Variants in ATP10B observed in about 807,000 individuals in gnomAD.
The protein encoded by ATP10B is ATPase phospholipid transporting 10B (putative).
A neutral mutation model predicts 141.2 loss-of-function variants in ATP10B; 122 were observed. That is an observed-to-expected ratio of 0.86 (90% CI 0.75 to 1.00). The LOEUF is 1.00. Among genes scored for constraint, ATP10B ranks in the 50% least tolerant of loss-of-function variants. The pLI is 0.00. For missense variants in ATP10B, 1,876 were observed against 1,825.3 expected (o/e 1.03, Z -0.51); for synonymous variants, 685 against 692.0 (o/e 0.99, Z 0.16).
chr5:160,606,974 G>C lies in ATP10B; in HGVS notation c.2951C>G (p.Ser984Cys). Residue 984 changes from serine to cysteine, a missense_variant, in exon 19 of 26, where the codon TCC (serine) becomes TGC (cysteine). By Grantham distance (112) the Ser-to-Cys change is moderately radical (BLOSUM62 -1). Transcript: ENST00000327245. ...FGFRLPSKTP[S>C]ITSEAVVPEA... ...TGGAACCACAGCTTCTGAGGTGATG[G>C]ATGGTGTCTTGGAAGGTAAGCGGAA... The C allele has an allele frequency of 6.2e-7, 1 of 1,614,168 alleles. No homozygotes were observed.
chr5:160,788,356 C>T (rs891923244), intron 1 of ATP10B, among the ~76,000 whole-genome samples: 1 of 152,174 alleles, frequency 6.6e-6, no homozygotes, highest in African/African-American at 2.4e-5. Context: ...AAAAAGGCAA[C>T]AGCGGATTTT....
chr5:160,812,187 G>A (rs1457303962), intron 1 of ATP10B, among the ~76,000 whole-genome samples: 2 of 152,188 alleles, frequency 1.3e-5, no homozygotes. Context: ...CTACAAGTCT[G>A]TAAGAACCAC....
chr5:160,730,297 G>T (rs1251004654), intron 2 of ATP10B, among the ~76,000 whole-genome samples: 1 of 152,070 alleles, frequency 6.6e-6, no homozygotes, highest in Non-Finnish European at 1.5e-5. Flanking sequence ...TCAAGTCTGT[G>T]TTCTCAACTT....
chr5:160,750,883 C>T (rs1037511082), intron 2 of ATP10B, among the ~76,000 whole-genome samples: 3 of 152,208 alleles, frequency 2.0e-5, no homozygotes, highest in African/African-American at 7.2e-5. Context: ...CTGCATGGTT[C>T]ACTCTCTCAA....
At chr5:160,599,160 A>G (rs1449036138) in intron 21 of ATP10B, among the ~76,000 whole-genome samples, 190 bp from the exon 22 acceptor site, 1 of 152,230 alleles carries the variant, frequency 6.6e-6, no homozygotes, top group Admixed American at 6.5e-5. Context: ...TACTATTGCT[A>G]CTAACATTCT....
At position 160,780,447 on chromosome 5, in the gene ATP10B, T is replaced by A. The variant is rs557472541; in HGVS notation, c.-331+5112A>T. Among the ~76,000 whole-genome samples, 6 of 152,300 alleles carry A rather than the reference T, an allele frequency of 3.9e-5. No homozygotes were observed. The Middle Eastern group carries it at 0.01, about 259-fold the overall frequency. ...ATGCAGGCAGTTGAGATTAACCACA[T>A]ACAAAACTCTAAGGTAGTATGTTCA... On this transcript the variant is annotated intron_variant, in intron 2 of 25. Coordinates refer to ENST00000327245, the MANE Select transcript of ATP10B (RefSeq NM_025153.3).
chr5:160,818,662 G>A (rs574157674), intron 1 of ATP10B, among the ~76,000 whole-genome samples: 4 of 152,278 alleles, frequency 2.6e-5, no homozygotes, highest in Admixed American at 2.0e-4. Context: ...TATACCCAAA[G>A]GATTATAAAT....
At chr5:160,747,774 C>T (rs1254077576) in intron 2 of ATP10B, among the ~76,000 whole-genome samples, 1 of 152,094 alleles carries the variant, frequency 6.6e-6, no homozygotes. Context: ...GTTACAGAGG[C>T]CCTAGGAAGC....
chr5:160,653,802 T>G (rs1761212580), intron 7 of ATP10B, among the ~76,000 whole-genome samples: 1 of 121,740 alleles, frequency 8.2e-6, no homozygotes, highest in Non-Finnish European at 1.6e-5. Context: ...TATAGACGTA[T>G]ATACATATAT....
Position 160,686,173 on chromosome 5 carries a change from G to T in ATP10B, c.376C>A (p.Leu126Met). ...CCATCCTTGATCATGATGACGAACA[G>T]GACAATGGCCAATGGTAACATGGTG... ...EITMLPLAIV[L>M]FVIMIKDGME... is the part of the protein sequence containing the mutation. Residue 126 changes from leucine (L) to methionine (M), a missense_variant, in exon 6 of 26, where the codon CTG becomes ATG. Leu to Met is a conservative substitution (Grantham distance 15). Coordinates refer to ENST00000327245, the MANE Select transcript of ATP10B (RefSeq NM_025153.3). 6.2e-7 allele frequency: 1 copy of T among 1,613,346 alleles called. No individual in the cohort carries two copies.
chr5:160,565,825 G>A lies in ATP10B; in HGVS notation c.4014C>T (p.Pro1338=). The A allele has an allele frequency of 6.2e-7, 1 of 1,614,030 alleles. No individual in the cohort carries two copies. The highest frequency in any genetic ancestry group is 8.5e-7 in the Non-Finnish European group (1 of 1,179,958). The change falls in exon 26 of 26, where the codon CCC becomes CCT. Residue 1338 remains proline, a synonymous_variant. Coordinates refer to ENST00000327245, the MANE Select transcript of ATP10B (RefSeq NM_025153.3). ...ISKAQKIDKL[P]PDKRNLEIQS... ...GGATTTCCAGGTTTCTTTTGTCTGG[G>A]GGGAGTTTGTCAATTTTCTGAGCTT...
At chr5:160,589,505 A>T in intron 24 of ATP10B, 87 bp downstream of exon 24, 1 of 1,031,654 alleles carries the variant, frequency 9.7e-7, no homozygotes, top group Non-Finnish European at 1.5e-6. Context: ...GTGGATTGAT[A>T]ACACAGAATG....
chr5:160,848,309 A>T (rs1236721946), intron 1 of ATP10B, among the ~76,000 whole-genome samples: 1 of 152,198 alleles, frequency 6.6e-6, no homozygotes, highest in Non-Finnish European at 1.5e-5. Context: ...TACAGGAGGC[A>T]TATTCCATTC....
At chr5:160,675,536 G>A (rs1170959991) in intron 6 of ATP10B, among the ~76,000 whole-genome samples, 1 of 152,154 alleles carries the variant, frequency 6.6e-6, no homozygotes, top group Non-Finnish European at 1.5e-5. Context: ...TATTAAGAGA[G>A]TTTCAGGCAA....
At chr5:160,788,445 T>C (rs1771327440) in intron 1 of ATP10B, among the ~76,000 whole-genome samples, 1 of 152,216 alleles carries the variant, frequency 6.6e-6, no homozygotes, top group Non-Finnish European at 1.5e-5. Context: ...CTTTGTTTTG[T>C]ATGAAAATTT....
chr5:160,632,588 T>C (rs1759012933), intron 12 of ATP10B: 1 of 415,188 alleles, frequency 2.4e-6, no homozygotes, highest in Non-Finnish European at 4.3e-6. Flanking sequence ...ACTTTGAGCT[T>C]TGACATAACC....
intron 2 of ATP10B, among the ~76,000 whole-genome samples, chr5:160,730,148 A>G (rs767362660): frequency 1.6e-4 from 24 of 147,694 alleles, no homozygotes; most frequent in South Asian, 4.4e-4. Context: ...TATAAATCAT[A>G]TAATGCTGAC....
chr5:160,849,618 T>TACACACACACACACAAAC (rs1753671459), intron 1 of ATP10B, among the ~76,000 whole-genome samples: 1 of 148,130 alleles, frequency 6.8e-6, no homozygotes, highest in Non-Finnish European at 1.5e-5. Flanking sequence ...TACTGGCAAT[T>TACACACACACACACAAAC]ACACACACAC....
intron 1 of ATP10B, among the ~76,000 whole-genome samples, chr5:160,805,357 G>A (rs893287053): frequency 6.6e-6 from 1 of 152,158 alleles, no homozygotes; most frequent in Admixed American, 6.5e-5. Flanking sequence ...ACAATCACTT[G>A]TATTTAACAA....
Sources: allele counts gnomAD v4.1 joint callset (sites outside exome capture counted in the v4.1 genomes callset), GRCh38; gene constraint gnomAD v4.1.1; transcripts MANE v1.5; gene names NCBI Gene and HGNC (gene_info 2026-07-23, HGNC 2026-07-21).